The following HYCC1 variants were observed in gnomAD, a reference collection of about 807,000 sequenced individuals.
HYCC1 encodes the protein hyccin PI4KA lipid kinase complex subunit 1.
chr7:22,962,415 T>C, the HYCC1 span, among the ~76,000 whole-genome samples: 1 of 151,922 alleles, frequency 6.6e-6, no homozygotes, highest in Non-Finnish European at 1.5e-5. Context: ...CTTGATGGTA[T>C]AGGCCTGAAG....
the HYCC1 span, among the ~76,000 whole-genome samples, chr7:22,978,864 T>A: frequency 2.0e-4 from 30 of 152,128 alleles, no homozygotes; most frequent in Middle Eastern, 3.2e-3. Context: ...TAATTTGGAG[T>A]CATCTACAAC....
the HYCC1 span, among the ~76,000 whole-genome samples, chr7:22,931,994 C>T: frequency 1.3e-5 from 2 of 152,160 alleles, no homozygotes; most frequent in African/African-American, 2.4e-5. Context: ...CCAGCATTTG[C>T]TGCCTGAAAA....
chr7:23,002,928 AT>A, the HYCC1 span, among the ~76,000 whole-genome samples: 1 of 152,134 alleles, frequency 6.6e-6, no homozygotes, highest in Non-Finnish European at 1.5e-5. Context: ...TGGCTTATAG[AT>A]GGCGGTCTTC....
the HYCC1 span, chr7:22,977,375 A>G: frequency 6.3e-7 from 1 of 1,599,860 alleles, no homozygotes. Context: ...TAAAGATGGA[A>G]TCGTAAAACT....
At chr7:22,946,086 A>G in the HYCC1 span, 1 of 1,613,492 alleles carries the variant, frequency 6.2e-7, no homozygotes, top group Non-Finnish European at 8.5e-7. Flanking sequence ...CTGGTACTAG[A>G]CGCAGCCCTG....
chr7:22,921,426 CTCTT>C, the HYCC1 span, among the ~76,000 whole-genome samples: 2 of 152,280 alleles, frequency 1.3e-5, no homozygotes, highest in East Asian at 1.9e-4. Flanking sequence ...ATACTTTCTC[CTCTT>C]TCTTTTTCCA....
the HYCC1 span, among the ~76,000 whole-genome samples, chr7:22,925,126 C>G: frequency 6.6e-6 from 1 of 152,208 alleles, no homozygotes; most frequent in African/African-American, 2.4e-5. Flanking sequence ...AGGGTCCTGA[C>G]TGTTAGAAGG....
the HYCC1 span, among the ~76,000 whole-genome samples, chr7:22,972,051 T>A: frequency 6.6e-6 from 1 of 152,186 alleles, no homozygotes; most frequent in South Asian, 2.1e-4. Context: ...TGCTCTAGAA[T>A]TGTTGATACA....
chr7:22,924,195 A>AAG, the HYCC1 span, among the ~76,000 whole-genome samples: 385 of 136,628 alleles, frequency 2.8e-3, 7 homozygotes, highest in East Asian at 6.1e-3. Flanking sequence ...AAAAAAAAAA[A>AAG]GGGGGGTGGA....
the HYCC1 span, among the ~76,000 whole-genome samples, chr7:22,971,171 A>T: frequency 2.0e-5 from 3 of 151,416 alleles, no homozygotes; most frequent in East Asian, 5.8e-4. Flanking sequence ...ACAAACCATA[A>T]AATGATTAGG....
the HYCC1 span, among the ~76,000 whole-genome samples, chr7:23,008,802 T>G: frequency 2.0e-5 from 3 of 152,008 alleles, no homozygotes; most frequent in Non-Finnish European, 1.5e-5. Context: ...TAAACAGCAT[T>G]AAAATAACTG....
chr7:22,930,029 C>A, the HYCC1 span, among the ~76,000 whole-genome samples: 1 of 151,868 alleles, frequency 6.6e-6, no homozygotes, highest in Non-Finnish European at 1.5e-5. Context: ...ATGATGAGTT[C>A]ATGTCCTTTG....
chr7:22,992,232 C>T, the HYCC1 span, among the ~76,000 whole-genome samples: 1 of 152,102 alleles, frequency 6.6e-6, no homozygotes, highest in African/African-American at 2.4e-5. Flanking sequence ...AGAATACATT[C>T]TAAGGTTCCT....
chr7:22,991,230 C>A, the HYCC1 span: 1 of 800,322 alleles, frequency 1.2e-6, no homozygotes, highest in Non-Finnish European at 2.0e-6. Flanking sequence ...AAAGTTTTTA[C>A]TTCATATTTG....
At chr7:23,005,482 C>T in the HYCC1 span, among the ~76,000 whole-genome samples, 1 of 152,166 alleles carries the variant, frequency 6.6e-6, no homozygotes, top group Admixed American at 6.5e-5. Context: ...AGAGGGGGCA[C>T]AGGAGTAAGG....
At chr7:22,952,014 C>T in the HYCC1 span, among the ~76,000 whole-genome samples, 3 of 151,942 alleles carry the variant, frequency 2.0e-5, no homozygotes, top group Admixed American at 1.3e-4. Context: ...AACTTGCTCA[C>T]CCTATGTTAT....
the HYCC1 span, among the ~76,000 whole-genome samples, chr7:22,931,789 G>A: frequency 3.3e-5 from 5 of 152,178 alleles, no homozygotes; most frequent in African/African-American, 1.2e-4. Context: ...CTGTTATAAA[G>A]TGGCAGTAGA....
At chr7:22,897,290 G>A in the HYCC1 span, among the ~76,000 whole-genome samples, 22 of 152,274 alleles carry the variant, frequency 1.4e-4, no homozygotes, top group Non-Finnish European at 2.8e-4. Context: ...GGCCACTGTG[G>A]GACTTCTGAT....
the HYCC1 span, chr7:22,990,928 T>TA: frequency 9.0e-6 from 6 of 663,110 alleles, no homozygotes; most frequent in Non-Finnish European, 1.6e-5. Flanking sequence ...TAACTCTCTA[T>TA]TGAGATTTGA....
Sources: allele counts gnomAD v4.1 joint callset (sites outside exome capture counted in the v4.1 genomes callset), GRCh38; gene constraint gnomAD v4.1.1; transcripts MANE v1.5; gene names NCBI Gene and HGNC (gene_info 2026-07-23, HGNC 2026-07-21).